ZP1: variants seen among roughly 807,000 people sequenced by gnomAD.
ZP1 encodes the protein zona pellucida glycoprotein 1.
In ZP1, 58 loss-of-function variants were observed where a neutral mutation model predicts 67.4. The ratio of observed to expected loss-of-function variants is 0.86; its 90% CI spans 0.70 to 1.07. The LOEUF (loss-of-function observed/expected upper bound fraction) is 1.07, where lower values mean the gene tolerates loss of function less well. Among genes scored for constraint, ZP1 ranks in the 50% least tolerant of loss-of-function variants. The pLI is 0.00. For missense variants in ZP1, 759 were observed against 807.3 expected (o/e 0.94, Z 0.72); for synonymous variants, 333 against 332.7 (o/e 1.00, Z -0.01).
In ZP1 at chr11:60,873,468, GGACA is replaced by G. The variant is rs748892842; in HGVS notation, c.1338_1341del (p.Asp447ProfsTer43). On this transcript the variant is annotated frameshift_variant, in exon 8 of 12. Coordinates refer to ENST00000278853, the MANE Select transcript of ZP1 (RefSeq NM_207341.4). LOFTEE classifies it high-confidence loss of function. Reference sequence around the variant, plus strand: ...CATGTGGAGGTCCGGCTTCTGCAGAGGACAGACCCCAACCTGGTCCTGCTGCTGC... The same window carrying G: ...CATGTGGAGGTCCGGCTTCTGCAGAGGACCCCAACCTGGTCCTGCTGCTGC... 6.3e-5 allele frequency: 101 copies of G among 1,613,690 alleles called. 1 individual carries two copies. The highest frequency in any genetic ancestry group is 8.0e-5 in the Non-Finnish European group (94 of 1,179,866).
rs1406760818 is a variant in ZP1, at chr11:60,869,227, C to G, written c.279C>G (p.Val93=). ...WVTSRPQEPA[V]FSADYRGCHV... ...CCTCCAGGCCGCAGGAGCCTGCAGTCTTCTCGGCCGATTACAGAGGCTGCC... is the reference window on the plus strand; with the variant it reads ...CCTCCAGGCCGCAGGAGCCTGCAGTGTTCTCGGCCGATTACAGAGGCTGCC... Residue 93 remains valine (V), a synonymous_variant, in exon 2 of 12, where the codon GTC becomes GTG. Coordinates refer to ENST00000278853, the MANE Select transcript of ZP1 (RefSeq NM_207341.4). 3 of 1,614,108 alleles carry G rather than the reference C, an allele frequency of 1.9e-6. No homozygotes were observed. Among genetic ancestry groups the G allele is most frequent in the Non-Finnish European group, 2.5e-6 (3 of 1,180,058 alleles).
intron 4 of ZP1, 71 bp downstream of exon 4, chr11:60,870,546 G>A (rs1855548309): frequency 6.6e-7 from 1 of 1,521,432 alleles, no homozygotes; most frequent in African/African-American, 1.4e-5. Flanking sequence ...GTCTCCTCCA[G>A]CTGGTGGAAA....
chr11:60,875,200 G>A lies in ZP1; in HGVS notation c.1726G>A (p.Val576Met), dbSNP rs532215581. ...GGACATCGTGAGCTCTCCGGGGCCA[G>A]TGGGCTTTGAGGATTCTTATGGGCA... ...PQDIVSSPGP[V>M]GFEDSYGQEP... is the part of the protein sequence containing the mutation. Residue 576 changes from valine (V) to methionine (M), a missense_variant, in exon 11 of 12, where the codon GTG becomes ATG. By Grantham distance (21) the Val-to-Met change is conservative. Transcript: ENST00000278853. 3.5e-5 allele frequency: 57 copies of A among 1,613,590 alleles called. No homozygotes were observed. The highest frequency in any genetic ancestry group is 4.7e-5 in the Non-Finnish European group (55 of 1,180,052).
At chr11:60,874,587 C>A (rs1011141091) in intron 9 of ZP1, among the ~76,000 whole-genome samples, 5 of 152,212 alleles carry the variant, frequency 3.3e-5, no homozygotes, top group Non-Finnish European at 5.9e-5. Flanking sequence ...AGAGAGCCAG[C>A]CCTCCCAGGG....
In ZP1 at chr11:60,869,537, G is replaced by A. The variant is rs145707301; in HGVS notation, c.319G>A (p.Asp107Asn). 3,233 of 1,600,752 alleles carry A rather than the reference G, an allele frequency of 2.0e-3. 16 individuals carry two copies. Among genetic ancestry groups the A allele is most frequent in the Middle Eastern group, 0.016 (97 of 5,996 alleles). The change falls in exon 3 of 12, where the codon GAT becomes AAT. Residue 107 changes from aspartate to asparagine, a missense_variant and splice_region_variant. Asp to Asn is a conservative substitution (Grantham distance 23). Transcript: ENST00000278853. ...DYRGCHVLEK[D>N]GRFHLRVFME... Reference sequence around the variant, plus strand: ...CTCTATGATGGCCTCTCACCTGCAGGATGGGCGTTTCCACCTGAGGGTGTT... The same window carrying A: ...CTCTATGATGGCCTCTCACCTGCAGAATGGGCGTTTCCACCTGAGGGTGTT...
intron 9 of ZP1, among the ~76,000 whole-genome samples, chr11:60,874,275 T>C (rs1434098733): frequency 1.3e-5 from 2 of 152,222 alleles, no homozygotes; most frequent in African/African-American, 4.8e-5. Flanking sequence ...TTATGTCAGA[T>C]GTAGACTGAT....
At chr11:60,873,105 A>C in intron 6 of ZP1, 57 bp from the exon 7 acceptor site, 1 of 1,510,464 alleles carries the variant, frequency 6.6e-7, no homozygotes, top group Non-Finnish European at 8.9e-7. Flanking sequence ...TTTATTACGT[A>C]AACAGGATGC....
chr11:60,873,134 C>G, intron 6 of ZP1, 28 bp from the exon 7 acceptor site: 1 of 1,522,802 alleles, frequency 6.6e-7, no homozygotes. Context: ...TGTGTCTTCT[C>G]CCCCACCCTC....
Position 60,868,717 on chromosome 11 carries a change from G to T in ZP1, c.197-428G>T, listed in dbSNP as rs117789161. Among the ~76,000 whole-genome samples, 531 of 152,310 alleles carry T rather than the reference G, an allele frequency of 3.5e-3. 1 individual carries two copies. The highest frequency in any genetic ancestry group is 6.3e-3 in the Non-Finnish European group (426 of 68,020). ...GTTCAGATCTTTCTACAAAGCCCAGGATTCAAATCCTCATTCTGCCCCTCA... is the reference window on the plus strand; with the variant it reads ...GTTCAGATCTTTCTACAAAGCCCAGTATTCAAATCCTCATTCTGCCCCTCA... On this transcript the variant is annotated intron_variant, in intron 1 of 11. Transcript: ENST00000278853.
intron 6 of ZP1, 149 bp from the exon 7 acceptor site, chr11:60,873,013 A>C: frequency 1.1e-6 from 1 of 874,866 alleles, no homozygotes; most frequent in Non-Finnish European, 1.7e-6. Context: ...CTGCCTTGGA[A>C]ATGCTGAGTA....
At position 60,869,255 on chromosome 11, in the gene ZP1, G is replaced by A. The variant is rs758199295; in HGVS notation, c.307G>A (p.Val103Met). ...VFSADYRGCH[V>M]LEKDGRFHLR... ...CTCGGCCGATTACAGAGGCTGCCAC[G>A]TGCTGGAGAAGGTAGGGGTTGTTCA... Residue 103 changes from valine to methionine, a missense_variant, in exon 2 of 12, where the codon GTG becomes ATG. Transcript: ENST00000278853. 60 of 1,614,114 alleles carry A rather than the reference G, an allele frequency of 3.7e-5. No individual in the cohort carries two copies. The highest frequency in any genetic ancestry group is 4.7e-5 in the Non-Finnish European group (55 of 1,180,046).
In ZP1 at chr11:60,869,795, A is replaced by G. The variant is rs1855532414; in HGVS notation, c.577A>G (p.Thr193Ala). ...CCCAGGGCACAGCTCTGTCCACCCA[A>G]CCCCTGCTTTACCATCCCCTGGACC... ...LDPGHSSVHPTPALPSPGPGP... is the reference protein window; with the variant it reads ...LDPGHSSVHPAPALPSPGPGP... Residue 193 changes from threonine to alanine, a missense_variant, in exon 3 of 12, where the codon ACC becomes GCC. Thr to Ala is a moderately conservative substitution (Grantham distance 58). Transcript: ENST00000278853. The G allele has an allele frequency of 1.9e-6, 3 of 1,613,036 alleles. No homozygotes were observed. Among genetic ancestry groups the G allele is most frequent in the Non-Finnish European group, 2.5e-6 (3 of 1,179,678 alleles).
chr11:60,870,539 T>C, intron 4 of ZP1, 64 bp downstream of exon 4: 4 of 1,517,670 alleles, frequency 2.6e-6, no homozygotes, highest in Non-Finnish European at 3.5e-6. Context: ...GAGAGCTGTC[T>C]CCTCCAGCTG....
Position 60,875,001 on chromosome 11 carries a change from C to T in ZP1, c.1641C>T (p.Ser547=), listed in dbSNP as rs757881250. ...TGGAGACTTGCTCCACTGCATGTAGCACTGGCACTACAAGTGAGTCTGGGT... is the reference window on the plus strand; with the variant it reads ...TGGAGACTTGCTCCACTGCATGTAGTACTGGCACTACAAGTGAGTCTGGGT... ...SGLETCSTAC[S]TGTTRQRRSS... is the part of the protein sequence containing the mutation. The change falls in exon 10 of 12, where the codon AGC becomes AGT. Residue 547 remains serine, a synonymous_variant. Transcript: ENST00000278853. 6.2e-7 allele frequency: 1 copy of T among 1,614,262 alleles called. No homozygotes were observed. Among genetic ancestry groups the T allele is most frequent in the Admixed American group, 1.7e-5 (1 of 60,030 alleles).
Position 60,875,201 on chromosome 11 carries a change from T to C in ZP1, c.1727T>C (p.Val576Ala). Reference protein sequence around the residue: ...PQDIVSSPGPVGFEDSYGQEP... With the variant: ...PQDIVSSPGPAGFEDSYGQEP... ...GACATCGTGAGCTCTCCGGGGCCAG[T>C]GGGCTTTGAGGATTCTTATGGGCAG... is the stretch of plus-strand genomic sequence containing the variant. The change falls in exon 11 of 12, where the codon GTG becomes GCG. Residue 576 changes from valine to alanine, a missense_variant. By Grantham distance (64) the Val-to-Ala change is moderately conservative. Transcript: ENST00000278853. 1 of 1,613,702 alleles carries C rather than the reference T, an allele frequency of 6.2e-7. No homozygotes were observed. The highest frequency in any genetic ancestry group is 1.7e-5 in the Admixed American group (1 of 60,024).
At chr11:60,868,150 C>T (rs1455680804) in intron 1 of ZP1, among the ~76,000 whole-genome samples, 2 of 151,876 alleles carry the variant, frequency 1.3e-5, no homozygotes, top group Non-Finnish European at 2.9e-5. Context: ...CAGGTTCAAG[C>T]AATTCTCCTG....
At chr11:60,870,697 C>A in intron 4 of ZP1, 1 of 683,222 alleles carries the variant, frequency 1.5e-6, no homozygotes, top group Non-Finnish European at 2.4e-6. Flanking sequence ...TTACACACAT[C>A]TGGACTTTCA....
intron 1 of ZP1, 38 bp downstream of exon 1, chr11:60,867,795 C>T: frequency 6.3e-7 from 1 of 1,591,830 alleles, no homozygotes; most frequent in African/African-American, 1.3e-5. Context: ...GCCTCCCTGG[C>T]CACGGGCTGC....
chr11:60,867,826 C>T (rs865962073), intron 1 of ZP1, 69 bp downstream of exon 1: 9 of 1,539,756 alleles, frequency 5.8e-6, no homozygotes, highest in South Asian at 3.6e-5. Flanking sequence ...GAGCTGGGAC[C>T]CTTCCCCTGA....
Sources: allele counts gnomAD v4.1 joint callset (sites outside exome capture counted in the v4.1 genomes callset), GRCh38; gene constraint gnomAD v4.1.1; transcripts MANE v1.5; gene names NCBI Gene and HGNC (gene_info 2026-07-23, HGNC 2026-07-21).